Variants in NTRK2 observed in about 807,000 individuals in gnomAD.
NTRK2 encodes the protein neurotrophic receptor tyrosine kinase 2, also known as BDNF/NT-3 growth factors receptor.
NTRK2 carries 13 observed loss-of-function variants against 94.5 expected under a neutral mutation model. The ratio of observed to expected loss-of-function variants is 0.14; its 90% CI spans 0.09 to 0.22. The LOEUF is 0.22. NTRK2 is among the 10% of genes least tolerant of loss of function. NTRK2 has a pLI of 1.00. For missense variants in NTRK2, 639 were observed against 1,071.2 expected, an observed-to-expected ratio of 0.60 and a Z score of 5.63; for synonymous variants, 372 against 407.4, an observed-to-expected ratio of 0.91 and a Z score of 1.05.
In NTRK2 at chr9:85,017,312, AC is replaced by A. The variant is rs150747904; in HGVS notation, c.2173-2893del. Among the ~76,000 whole-genome samples, 280 of 152,320 alleles carry A rather than the reference AC, an allele frequency of 1.8e-3. 7 individuals are homozygous for A. In the East Asian group the frequency reaches 0.051, roughly 28 times the overall value. On this transcript the variant is annotated intron_variant, in intron 17 of 18. Transcript: ENST00000277120. ...ACCTCCCAACAACATTAGGAGGTAT[AC>A]ATTATTACTTACATATAATTATTAA...
At chr9:84,854,289 C>T (rs1239545708) in intron 12 of NTRK2, among the ~76,000 whole-genome samples, 1 of 152,064 alleles carries the variant, frequency 6.6e-6, no homozygotes, top group Admixed American at 6.6e-5. Context: ...CACAGTGTAA[C>T]CCACTGGATA....
chr9:84,984,329 C>T, intron 17 of NTRK2, among the ~76,000 whole-genome samples: 1 of 152,002 alleles, frequency 6.6e-6, no homozygotes, highest in African/African-American at 2.4e-5. Context: ...AAAAATTAGC[C>T]TGGCATAGTG....
chr9:84,963,459 A>C (rs970854926), intron 17 of NTRK2, among the ~76,000 whole-genome samples: 3 of 152,222 alleles, frequency 2.0e-5, no homozygotes, highest in Non-Finnish European at 4.4e-5. Flanking sequence ...TATAAATCGA[A>C]GTGATACAAA....
At chr9:84,876,612 A>G (rs200182197) in intron 14 of NTRK2, 14 of 1,057,972 alleles carry the variant, frequency 1.3e-5, no homozygotes, top group Non-Finnish European at 1.6e-5. Context: ...TTTTACTTCC[A>G]TAAACATCAA....
intron 16 of NTRK2, among the ~76,000 whole-genome samples, chr9:84,954,258 G>A (rs1823830259): frequency 6.6e-6 from 1 of 152,140 alleles, no homozygotes; most frequent in African/African-American, 2.4e-5. Context: ...GCACTGCAGC[G>A]CCCCCTCAGG....
chr9:84,671,140 G>A (rs542425482), intron 2 of NTRK2, among the ~76,000 whole-genome samples, 180 bp downstream of exon 2: 1 of 152,350 alleles, frequency 6.6e-6, no homozygotes, highest in Non-Finnish European at 1.5e-5. Context: ...TGCTAGTGCA[G>A]GGAGAAGTGT....
At chr9:84,826,978 T>C (rs531476712) in intron 12 of NTRK2, among the ~76,000 whole-genome samples, 8 of 152,330 alleles carry the variant, frequency 5.3e-5, no homozygotes, top group Middle Eastern at 3.4e-3. Flanking sequence ...GAAGGGGGTT[T>C]GGCAGGTCCT....
At chr9:84,953,588 A>C (rs1402016029) in intron 16 of NTRK2, among the ~76,000 whole-genome samples, 1 of 152,200 alleles carries the variant, frequency 6.6e-6, no homozygotes, top group African/African-American at 2.4e-5. Context: ...GCATTTTCCC[A>C]GCATTGTTCC....
At chr9:84,882,695 C>T (rs2076288590) in intron 14 of NTRK2, among the ~76,000 whole-genome samples, 1 of 138,642 alleles carries the variant, frequency 7.2e-6, no homozygotes, top group Non-Finnish European at 1.5e-5. Context: ...CTCTTTTGTT[C>T]TAGTGTGTGT....
intron 9 of NTRK2, among the ~76,000 whole-genome samples, chr9:84,729,571 G>T (rs777903161): frequency 6.6e-6 from 1 of 152,208 alleles, no homozygotes; most frequent in Non-Finnish European, 1.5e-5. Flanking sequence ...CTGTAGAAAA[G>T]TTGCAAAGAT....
At chr9:84,976,872 T>A (rs1189297908) in intron 17 of NTRK2, among the ~76,000 whole-genome samples, 1 of 152,246 alleles carries the variant, frequency 6.6e-6, no homozygotes. Flanking sequence ...TTAGATCATC[T>A]ATAAATCCAT....
intron 14 of NTRK2, among the ~76,000 whole-genome samples, chr9:84,881,339 G>T (rs1224687358): frequency 1.3e-5 from 2 of 152,276 alleles, no homozygotes; most frequent in East Asian, 3.9e-4. Context: ...GGTATATGTC[G>T]TATGTCTCTG....
chr9:84,865,401 G>A (rs2132037345), intron 13 of NTRK2, among the ~76,000 whole-genome samples: 1 of 152,252 alleles, frequency 6.6e-6, no homozygotes, highest in African/African-American at 2.4e-5. Flanking sequence ...TTAAGACACT[G>A]CTTAGCTGGG....
At chr9:84,917,699 A>G (rs1210111425) in intron 14 of NTRK2, among the ~76,000 whole-genome samples, 1 of 152,212 alleles carries the variant, frequency 6.6e-6, no homozygotes, top group Non-Finnish European at 1.5e-5. Context: ...AAGAGTGACA[A>G]TCTCATGCAG....
intron 14 of NTRK2, among the ~76,000 whole-genome samples, chr9:84,919,980 A>G (rs1251976676): frequency 1.3e-5 from 2 of 152,128 alleles, no homozygotes; most frequent in Non-Finnish European, 2.9e-5. Flanking sequence ...ATTGAACTGA[A>G]GCTTCCATTC....
chr9:84,707,055 G>A (rs1324809495), intron 4 of NTRK2, among the ~76,000 whole-genome samples: 1 of 152,110 alleles, frequency 6.6e-6, no homozygotes, highest in African/African-American at 2.4e-5. Context: ...AGAGTGAGTC[G>A]GCTGCCAGGG....
intron 14 of NTRK2, among the ~76,000 whole-genome samples, chr9:84,912,528 G>A (rs2077267200): frequency 6.8e-6 from 1 of 147,816 alleles, no homozygotes; most frequent in Non-Finnish European, 1.5e-5. Flanking sequence ...ACAGTTTACT[G>A]TATCTGATAT....
chr9:84,889,753 GTGGCATAT>G (rs2076541468), intron 14 of NTRK2, among the ~76,000 whole-genome samples: 1 of 152,194 alleles, frequency 6.6e-6, no homozygotes, highest in African/African-American at 2.4e-5. Context: ...CATATCATTG[GTGGCATAT>G]TCTAAAAGTA....
chr9:85,014,483 T>C (rs1832004821), intron 17 of NTRK2, among the ~76,000 whole-genome samples: 1 of 152,224 alleles, frequency 6.6e-6, no homozygotes, highest in African/African-American at 2.4e-5. Context: ...TGGTCGCCAA[T>C]TCATATTTAC....
Sources: allele counts gnomAD v4.1 joint callset (sites outside exome capture counted in the v4.1 genomes callset), GRCh38; gene constraint gnomAD v4.1.1; transcripts MANE v1.5; gene names NCBI Gene and HGNC (gene_info 2026-07-23, HGNC 2026-07-21).